The following CCDC61 variants were observed in gnomAD, a reference collection of about 807,000 sequenced individuals.
CCDC61 encodes centrosomal protein CCDC61.
CCDC61 carries 55 observed loss-of-function variants against 63.0 expected under a neutral mutation model. That is an observed-to-expected ratio of 0.87 (90% CI 0.70 to 1.09). CCDC61 has a LOEUF of 1.09. CCDC61 is among the 50% of genes least tolerant of loss of function. CCDC61 has a pLI of 0.00. For synonymous variants in CCDC61, 270 were observed against 317.0 expected (o/e 0.85, Z 1.58); for missense variants, 651 against 731.4 (o/e 0.89, Z 1.27).
chr19:46,018,580 G>A lies in CCDC61; in HGVS notation c.*193G>A, dbSNP rs982009129. On this transcript the variant is annotated 3_prime_UTR_variant, in exon 14 of 14. Coordinates refer to ENST00000595358, the MANE Select transcript of CCDC61 (RefSeq NM_001267723.2). The surrounding 1 kb of genome is among the most constrained non-coding windows in gnomAD (Gnocchi z 4.2). ...GGCAGTGCATGCTGGGAGGGAGGAT[G>A]TGTGCATTTTGTAAATAAACATATT... The A allele has an allele frequency of 3.0e-5, 17 of 563,760 alleles. No homozygotes were observed. In the African/African-American group the frequency reaches 3.2e-4, roughly 11 times the overall value. 34.9% of individuals were successfully genotyped at this position (563,760 alleles called of 1,614,324 possible).
At chr19:46,006,294 C>G (rs1277319958) in intron 3 of CCDC61, among the ~76,000 whole-genome samples, 2 of 152,176 alleles carry the variant, frequency 1.3e-5, no homozygotes, top group Non-Finnish European at 2.9e-5. Context: ...GTCTCGTGGA[C>G]CCCCCAGGGA....
At chr19:45,997,810 C>A (rs1477210629) in intron 1 of CCDC61, among the ~76,000 whole-genome samples, 1 of 152,144 alleles carries the variant, frequency 6.6e-6, no homozygotes, top group East Asian at 1.9e-4. Context: ...TTTCAGCCTC[C>A]CAAGTAGCTG....
intron 3 of CCDC61, among the ~76,000 whole-genome samples, chr19:46,003,978 G>C (rs999742394): frequency 1.3e-5 from 2 of 151,036 alleles, no homozygotes; most frequent in Non-Finnish European, 2.9e-5. Context: ...TCGCTCTGTC[G>C]CCCAGGCTGG....
chr19:46,017,376 C>A, intron 12 of CCDC61, 72 bp downstream of exon 12: 1 of 1,428,762 alleles, frequency 7.0e-7, no homozygotes, highest in Non-Finnish European at 9.6e-7. Flanking sequence ...TCCTGGGGAT[C>A]AGGTGCAGAG....
At chr19:45,995,569 G>A (rs746401) in intron 1 of CCDC61, 65 bp downstream of exon 1, 184,422 of 445,850 alleles carry the variant, frequency 0.41, 40,650 homozygotes, top group Non-Finnish European at 0.48. Context: ...AGGGGAAGGG[G>A]CTTCTCTCGG....
At chr19:46,006,873 G>A (rs1793961807) in intron 4 of CCDC61, among the ~76,000 whole-genome samples, 157 bp downstream of exon 4, 1 of 152,188 alleles carries the variant, frequency 6.6e-6, no homozygotes, top group Non-Finnish European at 1.5e-5. Context: ...TTAGTATTGT[G>A]TTTGGCTACA....
At position 46,016,754 on chromosome 19, in the gene CCDC61, G is replaced by A. The variant is rs1286396758; in HGVS notation, c.1152G>A (p.Trp384Ter). 1.3e-6 allele frequency: 2 copies of A among 1,597,002 alleles called. No individual in the cohort carries two copies. The highest frequency in any genetic ancestry group is 3.5e-5 in the Admixed American group (2 of 57,560). ...GGSGDGPSVSWSRQTQPPAAL... is the reference protein window; with the variant it reads ...GGSGDGPSVS The stretch of plus-strand genomic sequence containing the variant: ...GCGGGGACGGTCCGTCCGTCTCCTG[G>A]TCTCGCCAGACCCAGCCCCCTGCTG... Residue 384 changes from tryptophan (W) to a stop codon, truncating the protein, a stop_gained, in exon 10 of 14, where the codon TGG (tryptophan) becomes TGA (stop). Coordinates refer to ENST00000595358, the MANE Select transcript of CCDC61 (RefSeq NM_001267723.2). LOFTEE classifies it high-confidence loss of function. This position sits in a 1 kb window ranked among gnomAD's most constrained non-coding sequence, Gnocchi z 7.2.
At position 46,015,933 on chromosome 19, in the gene CCDC61, T is replaced by C; in HGVS notation, c.846-121T>C. On this transcript the variant is annotated intron_variant, in intron 7 of 13. Transcript: ENST00000595358. The surrounding 1 kb of genome is among the most constrained non-coding windows in gnomAD (Gnocchi z 5.3). Reference sequence around the variant, plus strand: ...ATCGAGAGGGTCATGGGCCCAGGAGTGCACGTCTAGGAGTTGATGGGGTAG... The same window carrying C: ...ATCGAGAGGGTCATGGGCCCAGGAGCGCACGTCTAGGAGTTGATGGGGTAG... The C allele has an allele frequency of 1.2e-6, 1 of 839,298 alleles. No homozygotes were observed. Among genetic ancestry groups the C allele is most frequent in the Non-Finnish European group, 1.6e-6 (1 of 634,192 alleles). The allele number at this position is 839,298 out of a possible 1,614,324, so 52.0% of individuals were successfully genotyped here. A position where few individuals can be genotyped will look rare whatever the true frequency, so the allele number is the denominator to read the frequency against.
Position 46,017,251 on chromosome 19 carries a change from C to T in CCDC61, c.1315C>T (p.His439Tyr). The T allele has an allele frequency of 6.4e-7, 1 of 1,562,900 alleles. No individual in the cohort carries two copies. Among genetic ancestry groups the T allele is most frequent in the Non-Finnish European group, 8.7e-7 (1 of 1,153,172 alleles). Residue 439 changes from histidine to tyrosine, a missense_variant, in exon 12 of 14, where the codon CAC becomes TAC. Transcript: ENST00000595358. ...TTGGTTACTCCTTTTTCTCAGGGGT[C>T]ACCGCCGCCGTGGGAAGCCTCCCAG... is the stretch of plus-strand genomic sequence containing the variant. ...DFSESLSRGG[H>Y]RRRGKPPSPT... is the part of the protein sequence containing the mutation.
chr19:46,002,364 AAT>A (rs1451956392), intron 1 of CCDC61, among the ~76,000 whole-genome samples: 3 of 152,004 alleles, frequency 2.0e-5, no homozygotes, highest in Non-Finnish European at 2.9e-5. Context: ...ATAAATATAT[AAT>A]GAGTATAAGA....
intron 1 of CCDC61, among the ~76,000 whole-genome samples, chr19:45,999,348 A>T (rs1968548614): frequency 6.8e-6 from 1 of 146,034 alleles, no homozygotes; most frequent in South Asian, 2.2e-4. Flanking sequence ...TCCAGCCTCA[A>T]TTCACCCACG....
Position 46,016,917 on chromosome 19 carries a change from C to T in CCDC61, c.1232-74C>T. 3 of 273,224 alleles carry T rather than the reference C, an allele frequency of 1.1e-5. No homozygotes were observed. The highest frequency in any genetic ancestry group is 1.4e-5 in the Non-Finnish European group (2 of 138,782). 16.9% of individuals were successfully genotyped at this position (273,224 alleles called of 1,614,324 possible). ...GCTGGGAGGCACTGGGCAGGGCGGGCGGGCTGGGAGGGCCTGGGAAGCACT... is the reference window on the plus strand; with the variant it reads ...GCTGGGAGGCACTGGGCAGGGCGGGTGGGCTGGGAGGGCCTGGGAAGCACT... On this transcript the variant is annotated intron_variant, in intron 10 of 13. Transcript: ENST00000595358. This position sits in a 1 kb window ranked among gnomAD's most constrained non-coding sequence, Gnocchi z 7.2.
Position 46,018,283 on chromosome 19 carries a change from C to G in CCDC61, c.1442-7C>G, listed in dbSNP as rs371357909. 1.0e-5 allele frequency: 16 copies of G among 1,562,736 alleles called. No homozygotes were observed. Among genetic ancestry groups the G allele is most frequent in the African/African-American group, 4.1e-5 (3 of 73,430 alleles). On this transcript the variant is annotated splice_region_variant and splice_polypyrimidine_tract_variant and intron_variant, in intron 13 of 13. Transcript: ENST00000595358. The surrounding 1 kb of genome is among the most constrained non-coding windows in gnomAD (Gnocchi z 4.2). Reference sequence around the variant, plus strand: ...CACAGCCCCCATACCCACACCTGCTCTCACAGAGTACAGCTCGGAGCACCA... The same window carrying G: ...CACAGCCCCCATACCCACACCTGCTGTCACAGAGTACAGCTCGGAGCACCA...
At chr19:45,997,044 C>T (rs1968506750) in intron 1 of CCDC61, among the ~76,000 whole-genome samples, 1 of 152,192 alleles carries the variant, frequency 6.6e-6, no homozygotes, top group Non-Finnish European at 1.5e-5. Context: ...CTCCCCTCAA[C>T]TCCCATCACT....
chr19:46,016,480 C>T lies in CCDC61; in HGVS notation c.1091+87C>T. 6.7e-7 allele frequency: 1 copy of T among 1,492,110 alleles called. No homozygotes were observed. 92.4% of individuals were successfully genotyped at this position (1,492,110 alleles called of 1,614,324 possible). A position where few individuals can be genotyped will look rare whatever the true frequency, so the allele number is the denominator to read the frequency against. ...CATCTCTCCACGCCACCATCAGTCTCCATCCCCTGCCACCTGCTCGCTTCT... is the reference window on the plus strand; with the variant it reads ...CATCTCTCCACGCCACCATCAGTCTTCATCCCCTGCCACCTGCTCGCTTCT... On this transcript the variant is annotated intron_variant, in intron 9 of 13. Transcript: ENST00000595358. The surrounding 1 kb of genome is among the most constrained non-coding windows in gnomAD (Gnocchi z 7.2).
Position 46,015,101 on chromosome 19 carries a change from TCGCGCGAGGAGGCGCTGGCCGGG to T in CCDC61, c.611_633del (p.Glu204GlyfsTer191), listed in dbSNP as rs1968899367. 1.5e-5 allele frequency: 21 copies of T among 1,371,712 alleles called. No individual in the cohort carries two copies. The highest frequency in any genetic ancestry group is 3.3e-5 in the South Asian group (2 of 60,984). 85.0% of individuals were successfully genotyped at this position (1,371,712 alleles called of 1,614,324 possible). ...GGAGCTGGAGGCGCAGCTGGGCCGA[TCGCGCGAGGAGGCGCTGGCCGGG>T]CGCGCGGCACGCCAGGAGGCCGAGG... On this transcript the variant is annotated frameshift_variant, in exon 6 of 14. Coordinates refer to ENST00000595358, the MANE Select transcript of CCDC61 (RefSeq NM_001267723.2). LOFTEE classifies it high-confidence loss of function. The surrounding 1 kb of genome is among the most constrained non-coding windows in gnomAD (Gnocchi z 5.3).
In CCDC61 at chr19:46,016,329, C is replaced by T. The variant is rs771571101; in HGVS notation, c.1027C>T (p.Leu343Phe). ...CCACGCCGTCCTAGGTGGTCGCGCG[C>T]TCCGCTTCGACCCCACGGCCTTTGT... The part of the protein sequence containing the change: ...PSPSPTGGRA[L>F]RFDPTAFVKA... Residue 343 changes from leucine (L) to phenylalanine (F), a missense_variant, in exon 9 of 14, where the codon CTC becomes TTC. By Grantham distance (22) the Leu-to-Phe change is conservative (BLOSUM62 0). Coordinates refer to ENST00000595358, the MANE Select transcript of CCDC61 (RefSeq NM_001267723.2). The surrounding 1 kb of genome is among the most constrained non-coding windows in gnomAD (Gnocchi z 7.2). 1.2e-6 allele frequency: 2 copies of T among 1,613,958 alleles called. No individual in the cohort carries two copies. The highest frequency in any genetic ancestry group is 3.3e-5 in the Admixed American group (2 of 60,018).
intron 3 of CCDC61, among the ~76,000 whole-genome samples, chr19:46,005,291 T>C (rs1239039758): frequency 6.6e-6 from 1 of 152,144 alleles, no homozygotes; most frequent in Non-Finnish European, 1.5e-5. Flanking sequence ...ATTACAGGTG[T>C]GAGCCACCGC....
Position 46,009,188 on chromosome 19 carries a change from G to A in CCDC61, c.551+887G>A, listed in dbSNP as rs367803990. 2.2e-4 allele frequency among the ~76,000 whole-genome samples: 33 copies of A among 152,080 alleles called. 1 individual carries two copies. The highest frequency in any genetic ancestry group is 6.0e-4 in the African/African-American group (25 of 41,378). On this transcript the variant is annotated intron_variant, in intron 5 of 13. Transcript: ENST00000595358. ...AGGCAGAGGGAACAGCCTGGGCAAA[G>A]TCCTTGTGTTAGGTGGGAATGCGGT...
Sources: allele counts gnomAD v4.1 joint callset (sites outside exome capture counted in the v4.1 genomes callset), GRCh38; gene constraint gnomAD v4.1.1; non-coding constraint Gnocchi (gnomAD v3.1); transcripts MANE v1.5; gene names NCBI Gene and HGNC (gene_info 2026-07-23, HGNC 2026-07-21).